Variants in QTMAN observed in about 807,000 individuals in gnomAD.
QTMAN encodes queuosine-tRNA mannosyltransferase.
At chr2:144,067,150 T>C in the QTMAN span, among the ~76,000 whole-genome samples, 1 of 152,190 alleles carries the variant, frequency 6.6e-6, no homozygotes, top group South Asian at 2.1e-4. Context: ...ATTTAACAGA[T>C]GAGGAAACTG....
the QTMAN span, among the ~76,000 whole-genome samples, chr2:144,290,984 G>T: frequency 6.6e-6 from 1 of 152,172 alleles, no homozygotes. Context: ...TGTCGGCAGG[G>T]TTGATTCCTT....
chr2:144,199,269 G>A, the QTMAN span, among the ~76,000 whole-genome samples: 335 of 152,154 alleles, frequency 2.2e-3, 1 homozygote, highest in African/African-American at 7.2e-3. Context: ...GGCTGGTCTC[G>A]AACTCCTGAC....
At chr2:144,299,805 CAG>C in the QTMAN span, among the ~76,000 whole-genome samples, 1 of 152,150 alleles carries the variant, frequency 6.6e-6, no homozygotes, top group Non-Finnish European at 1.5e-5. Context: ...GGGACTTGAA[CAG>C]ATTATTTGTA....
the QTMAN span, among the ~76,000 whole-genome samples, chr2:144,087,831 C>T: frequency 6.6e-6 from 1 of 152,060 alleles, no homozygotes; most frequent in East Asian, 1.9e-4. Flanking sequence ...AACAAATCCA[C>T]AGCTCACTTC....
At chr2:144,055,804 T>C in the QTMAN span, among the ~76,000 whole-genome samples, 1 of 152,200 alleles carries the variant, frequency 6.6e-6, no homozygotes, top group Non-Finnish European at 1.5e-5. Flanking sequence ...GGGGCAGTCA[T>C]GCCTGGATCA....
At chr2:144,256,116 C>A in the QTMAN span, among the ~76,000 whole-genome samples, 1 of 152,094 alleles carries the variant, frequency 6.6e-6, no homozygotes, top group Non-Finnish European at 1.5e-5. Context: ...GGTTCTCCTG[C>A]TCATATAACA....
chr2:144,229,091 T>C, the QTMAN span, among the ~76,000 whole-genome samples: 1 of 152,216 alleles, frequency 6.6e-6, no homozygotes, highest in Non-Finnish European at 1.5e-5. Flanking sequence ...TCCCAACAAA[T>C]ACTTTGTGTC....
the QTMAN span, among the ~76,000 whole-genome samples, chr2:144,332,057 T>A: frequency 2.0e-5 from 3 of 152,106 alleles, no homozygotes; most frequent in Non-Finnish European, 4.4e-5. Context: ...CCACCCGTCC[T>A]CTCAGCCTGC....
the QTMAN span, among the ~76,000 whole-genome samples, chr2:144,116,526 A>C: frequency 6.6e-6 from 1 of 152,164 alleles, no homozygotes; most frequent in African/African-American, 2.4e-5. Context: ...AGATTACAAA[A>C]ATAGAACTCC....
the QTMAN span, among the ~76,000 whole-genome samples, chr2:144,100,767 T>C: frequency 6.6e-6 from 1 of 152,116 alleles, no homozygotes; most frequent in Non-Finnish European, 1.5e-5. Flanking sequence ...TTAACTTGCT[T>C]AATGTCTCAT....
At chr2:144,031,152 T>C in the QTMAN span, among the ~76,000 whole-genome samples, 1 of 152,026 alleles carries the variant, frequency 6.6e-6, no homozygotes, top group Admixed American at 6.6e-5. Flanking sequence ...TTCCAAAGAC[T>C]GATTCACAAT....
chr2:144,128,916 T>C, the QTMAN span, among the ~76,000 whole-genome samples: 4 of 151,508 alleles, frequency 2.6e-5, no homozygotes, highest in Admixed American at 2.6e-4. Context: ...TGAATTGTTT[T>C]GAGTTCACTC....
At chr2:144,261,395 T>C in the QTMAN span, among the ~76,000 whole-genome samples, 2 of 152,190 alleles carry the variant, frequency 1.3e-5, no homozygotes, top group South Asian at 2.1e-4. Flanking sequence ...ATTTTTTTTT[T>C]CAAAAATATG....
At chr2:144,020,985 AAAAC>A in the QTMAN span, among the ~76,000 whole-genome samples, 1 of 152,104 alleles carries the variant, frequency 6.6e-6, no homozygotes, top group Non-Finnish European at 1.5e-5. Flanking sequence ...AACAAAAACA[AAAAC>A]AAAAATAAGG....
At chr2:143,972,991 T>C in the QTMAN span, among the ~76,000 whole-genome samples, 1 of 152,212 alleles carries the variant, frequency 6.6e-6, no homozygotes, top group African/African-American at 2.4e-5. Flanking sequence ...GAATTTAATA[T>C]TGAGTTGGTA....
At chr2:144,238,435 CTT>C in the QTMAN span, among the ~76,000 whole-genome samples, 28 of 152,264 alleles carry the variant, frequency 1.8e-4, no homozygotes, top group Admixed American at 1.5e-3. Flanking sequence ...TCACAGTCAA[CTT>C]TGGTTCCTTG....
At chr2:144,133,244 TAA>T in the QTMAN span, among the ~76,000 whole-genome samples, 84 of 50,384 alleles carry the variant, frequency 1.7e-3, 2 homozygotes, top group South Asian at 0.025. Context: ...TATTTATATA[TAA>T]ATATATATAA....
At chr2:144,250,880 A>G in the QTMAN span, among the ~76,000 whole-genome samples, 2 of 152,124 alleles carry the variant, frequency 1.3e-5, no homozygotes, top group African/African-American at 2.4e-5. Flanking sequence ...AAAAGTAGTT[A>G]TCTTTTCTTT....
At chr2:144,270,229 C>T in the QTMAN span, among the ~76,000 whole-genome samples, 5 of 152,132 alleles carry the variant, frequency 3.3e-5, no homozygotes, top group African/African-American at 7.2e-5. Flanking sequence ...AGTTCAACCA[C>T]TGTGGAAGAC....
Sources: allele counts gnomAD v4.1 joint callset (sites outside exome capture counted in the v4.1 genomes callset), GRCh38; gene constraint gnomAD v4.1.1; transcripts MANE v1.5; gene names NCBI Gene and HGNC (gene_info 2026-07-23, HGNC 2026-07-21).